Variants in CHSY3 observed in about 807,000 individuals in gnomAD.
CHSY3 encodes the protein N-acetylgalactosaminyl-proteoglycan 3-beta-glucuronosyltransferase 3.
CHSY3 carries 35 observed loss-of-function variants against 67.2 expected under a neutral mutation model. The ratio of observed to expected loss-of-function variants is 0.52; its 90% CI spans 0.40 to 0.69. The LOEUF (loss-of-function observed/expected upper bound fraction) is 0.69, where lower values mean the gene tolerates loss of function less well. Ranked by LOEUF, CHSY3 falls within the 30% of genes least tolerant of loss-of-function variation. CHSY3 has a pLI of 0.00. For synonymous variants in CHSY3, 474 were observed against 434.7 expected, an observed-to-expected ratio of 1.09 and a Z score of -1.12; for missense variants, 1,069 against 1,138.5, an observed-to-expected ratio of 0.94 and a Z score of 0.88.
At chr5:130,138,824 T>G (rs754448696) in intron 2 of CHSY3, among the ~76,000 whole-genome samples, 4 of 152,194 alleles carry the variant, frequency 2.6e-5, no homozygotes, top group African/African-American at 7.2e-5. Flanking sequence ...AAATCCCTTT[T>G]GTTAAAGTAG....
At chr5:129,913,010 T>C (rs1436447832) in intron 2 of CHSY3, among the ~76,000 whole-genome samples, 2 of 152,210 alleles carry the variant, frequency 1.3e-5, no homozygotes, top group African/African-American at 4.8e-5. Flanking sequence ...TTTATTGGCC[T>C]CTCCTGTTGG....
At chr5:129,965,725 CT>C (rs1762451947) in intron 2 of CHSY3, among the ~76,000 whole-genome samples, 1 of 151,856 alleles carries the variant, frequency 6.6e-6, no homozygotes. Flanking sequence ...ATTTGTCAAA[CT>C]TTTTTTCAGT....
At chr5:129,929,750 C>G (rs1409294731) in intron 2 of CHSY3, among the ~76,000 whole-genome samples, 9 of 152,080 alleles carry the variant, frequency 5.9e-5, no homozygotes, top group African/African-American at 1.9e-4. Context: ...CTAGGAGTGT[C>G]TTTTACATTT....
intron 2 of CHSY3, among the ~76,000 whole-genome samples, chr5:130,126,317 G>A (rs956097339): frequency 8.5e-5 from 13 of 152,110 alleles, no homozygotes; most frequent in African/African-American, 3.1e-4. Flanking sequence ...TAGGTCTTAG[G>A]CTGTAACATT....
chr5:129,968,728 C>T (rs1394202042), intron 2 of CHSY3, among the ~76,000 whole-genome samples: 1 of 151,832 alleles, frequency 6.6e-6, no homozygotes, highest in Non-Finnish European at 1.5e-5. Flanking sequence ...CATACTGTTA[C>T]AAGATCTCCC....
At chr5:130,126,618 C>T (rs1159780621) in intron 2 of CHSY3, among the ~76,000 whole-genome samples, 1 of 152,090 alleles carries the variant, frequency 6.6e-6, no homozygotes, top group Non-Finnish European at 1.5e-5. Flanking sequence ...CTTGCTCAGT[C>T]TATAAACTGA....
At chr5:130,140,353 A>G in intron 2 of CHSY3, 1 of 583,586 alleles carries the variant, frequency 1.7e-6, no homozygotes, top group Non-Finnish European at 3.1e-6. Context: ...CAAGGGAGAG[A>G]CAAAAAGCTT....
chr5:129,918,094 A>T (rs931751301), intron 2 of CHSY3, among the ~76,000 whole-genome samples: 9 of 152,230 alleles, frequency 5.9e-5, no homozygotes, highest in African/African-American at 1.7e-4. Context: ...TTACTCGTCT[A>T]TTCCAAAGAA....
chr5:129,935,313 G>A (rs1281726237), intron 2 of CHSY3, among the ~76,000 whole-genome samples: 1 of 152,042 alleles, frequency 6.6e-6, no homozygotes. Context: ...GATCAAAGAC[G>A]TTTTTTGTTT....
At chr5:130,065,921 A>T (rs968623042) in intron 2 of CHSY3, among the ~76,000 whole-genome samples, 1 of 152,100 alleles carries the variant, frequency 6.6e-6, no homozygotes, top group Non-Finnish European at 1.5e-5. Context: ...GTCCTTGTTC[A>T]TACTGCTTTA....
intron 2 of CHSY3, among the ~76,000 whole-genome samples, chr5:130,134,846 C>A (rs1050844194): frequency 2.0e-5 from 3 of 148,792 alleles, no homozygotes; most frequent in Non-Finnish European, 4.4e-5. Context: ...ACTTCCCACC[C>A]CCCCCAATTT....
In CHSY3 at chr5:130,110,524, A is replaced by ATT. The variant is rs557786545; in HGVS notation, c.1087-73704_1087-73703dup. ...AACCACAGTCTAATCTTTGGCTTTC[A>ATT]TTCTGCCCAGAGGGTTTTGTGCTGA... On this transcript the variant is annotated intron_variant, in intron 2 of 2. Transcript: ENST00000305031. Among the ~76,000 whole-genome samples the ATT allele has an allele frequency of 1.2e-3, 190 of 152,116 alleles. 1 individual carries two copies. Among genetic ancestry groups the ATT allele is most frequent in the African/African-American group, 3.8e-3 (156 of 41,542 alleles).
intron 2 of CHSY3, among the ~76,000 whole-genome samples, chr5:130,074,743 T>C (rs1766197435): frequency 6.6e-6 from 1 of 152,162 alleles, no homozygotes; most frequent in Non-Finnish European, 1.5e-5. Context: ...ATTGACATAA[T>C]GTTCAATACT....
chr5:130,087,039 C>T (rs1368505380), intron 2 of CHSY3, among the ~76,000 whole-genome samples: 7 of 152,092 alleles, frequency 4.6e-5, no homozygotes, highest in Non-Finnish European at 1.0e-4. Context: ...GGGCTTCATC[C>T]CTGGGATGCA....
At chr5:129,941,927 AC>A (rs757278238) in intron 2 of CHSY3, among the ~76,000 whole-genome samples, 8 of 152,172 alleles carry the variant, frequency 5.3e-5, no homozygotes, top group Non-Finnish European at 1.0e-4. Context: ...CGCTCACAGA[AC>A]TCAGGGAAAT....
At chr5:129,980,602 G>T (rs1485045867) in intron 2 of CHSY3, among the ~76,000 whole-genome samples, 1 of 152,114 alleles carries the variant, frequency 6.6e-6, no homozygotes, top group African/African-American at 2.4e-5. Flanking sequence ...CTTTCACAGA[G>T]CATAAGTTTT....
At chr5:129,978,382 A>T (rs1762873916) in intron 2 of CHSY3, among the ~76,000 whole-genome samples, 1 of 152,158 alleles carries the variant, frequency 6.6e-6, no homozygotes, top group East Asian at 1.9e-4. Context: ...TAATAGCTTC[A>T]TTCATATTTG....
At chr5:130,000,525 C>G (rs955771716) in intron 2 of CHSY3, among the ~76,000 whole-genome samples, 40 of 151,866 alleles carry the variant, frequency 2.6e-4, no homozygotes, top group African/African-American at 9.7e-4. Flanking sequence ...CTCTCTAACT[C>G]CAGAGGTTGA....
chr5:130,168,059 T>G (rs1769798027), intron 2 of CHSY3, among the ~76,000 whole-genome samples: 1 of 152,106 alleles, frequency 6.6e-6, no homozygotes, highest in African/African-American at 2.4e-5. Context: ...AAGAGGTTCT[T>G]TTTTCTTTCC....
Sources: gnomAD v4.1 joint callset for allele counts (sites outside exome capture counted in the v4.1 genomes callset) on GRCh38, gnomAD v4.1.1 for gene constraint, MANE v1.5 for transcripts, NCBI Gene and HGNC (gene_info 2026-07-23, HGNC 2026-07-21) for gene names.